Variants in TENM1 observed in about 807,000 individuals in gnomAD.
The protein encoded by TENM1 is teneurin transmembrane protein 1, also known as teneurin-1.
Under a neutral mutation model 174.8 loss-of-function variants are expected in TENM1, and 35 were observed. The ratio of observed to expected loss-of-function variants is 0.20; its 90% CI spans 0.15 to 0.27. The LOEUF (loss-of-function observed/expected upper bound fraction) is 0.27, where lower values mean the gene tolerates loss of function less well. TENM1 is among the 10% of genes least tolerant of loss of function. The probability of loss-of-function intolerance (pLI) is 1.00; values close to 1 mark genes in which losing one functional copy is unlikely to be tolerated. For missense variants in TENM1, 1,633 were observed against 2,130.1 expected (o/e 0.77, Z 4.59); for synonymous variants, 781 against 798.7 (o/e 0.98, Z 0.37).
In TENM1 at chrX:124,565,490, C is replaced by T. The variant is rs1201165372; in HGVS notation, c.2148G>A (p.Trp716Ter). ...AGCGTTCCTCACATGTTGGTCCTAC[C>T]CAGCCTTCTTCACACTGGCAAATTC... Residue 716 changes from tryptophan to a stop codon, truncating the protein, a stop_gained, in exon 12 of 32, where the codon TGG (tryptophan) becomes TGA (stop). Transcript: ENST00000422452. LOFTEE classifies it high-confidence loss of function. 8.3e-7 allele frequency: 1 copy of T among 1,208,129 alleles called. No homozygotes were observed. The highest frequency in any genetic ancestry group is 3.0e-5 in the East Asian group (1 of 33,725).
At chrX:124,406,930 G>C (rs903924991) in intron 25 of TENM1, among the ~76,000 whole-genome samples, 1 of 111,385 alleles carries the variant, frequency 9.0e-6, no homozygotes, top group African/African-American at 3.3e-5. Flanking sequence ...TACTGACTTT[G>C]GGTTATGATG....
the TENM1 span, among the ~76,000 whole-genome samples, chrX:125,140,587 T>C: frequency 2.7e-5 from 3 of 111,895 alleles, no homozygotes; most frequent in Admixed American, 9.5e-5. Context: ...TCAAAATAGC[T>C]AGGAGAGAAG....
chrX:125,084,295 G>A, the TENM1 span, among the ~76,000 whole-genome samples: 2 of 110,272 alleles, frequency 1.8e-5, no homozygotes, highest in Non-Finnish European at 3.8e-5. Context: ...TATCTCCTGG[G>A]AACTGTGCTT....
At chrX:124,725,314 A>G (rs972528400) in intron 4 of TENM1, among the ~76,000 whole-genome samples, 14 of 111,908 alleles carry the variant, frequency 1.3e-4, no homozygotes, top group African/African-American at 3.9e-4. Flanking sequence ...AGCCCCAGCA[A>G]CTAGAAGAGT....
chrX:124,671,955 C>G, intron 5 of TENM1, 120 bp from the exon 9 acceptor site: 1 of 714,235 alleles, frequency 1.4e-6, no homozygotes, highest in South Asian at 2.8e-5. Flanking sequence ...GGCCAAGTAA[C>G]TGGGAGTTTA....
chrX:124,613,375 T>C (rs1053481675), intron 11 of TENM1, among the ~76,000 whole-genome samples: 1 of 110,518 alleles, frequency 9.0e-6, no homozygotes, highest in Non-Finnish European at 1.9e-5. Flanking sequence ...TTTTAATGTA[T>C]ATGTAAACCA....
At chrX:124,867,426 T>C (rs1377938451) in intron 3 of TENM1, among the ~76,000 whole-genome samples, 1 of 111,988 alleles carries the variant, frequency 8.9e-6, no homozygotes, top group Non-Finnish European at 1.9e-5. Flanking sequence ...AAGCATTTGA[T>C]AAAATTCAAC....
chrX:125,119,391 G>C, the TENM1 span, among the ~76,000 whole-genome samples: 2 of 109,907 alleles, frequency 1.8e-5, no homozygotes, highest in African/African-American at 6.6e-5. Context: ...GAAATATTGG[G>C]GTTTTATAAA....
At chrX:125,172,211 T>C in the TENM1 span, among the ~76,000 whole-genome samples, 2 of 110,907 alleles carry the variant, frequency 1.8e-5, no homozygotes, top group Non-Finnish European at 3.8e-5. Flanking sequence ...CCTTAAAGAA[T>C]AGAAAGAGCT....
At chrX:124,636,012 T>C (rs746826281) in intron 11 of TENM1, among the ~76,000 whole-genome samples, 15 of 112,222 alleles carry the variant, frequency 1.3e-4, no homozygotes, top group African/African-American at 4.5e-4. Context: ...CTGTTAACAA[T>C]ACTCAATGTA....
At chrX:124,459,963 C>A (rs1489767432) in intron 22 of TENM1, among the ~76,000 whole-genome samples, 1 of 111,996 alleles carries the variant, frequency 8.9e-6, no homozygotes. Context: ...ATGTGGCCAA[C>A]AAGCATATGA....
At chrX:125,162,434 T>G in the TENM1 span, among the ~76,000 whole-genome samples, 1 of 112,138 alleles carries the variant, frequency 8.9e-6, no homozygotes, top group Non-Finnish European at 1.9e-5. Flanking sequence ...TCTCTTTAAA[T>G]GAAGTTCACC....
At chrX:124,784,325 A>G (rs773468276) in intron 3 of TENM1, among the ~76,000 whole-genome samples, 1 of 111,528 alleles carries the variant, frequency 9.0e-6, no homozygotes, top group Admixed American at 9.6e-5. Context: ...GGCCCACAGT[A>G]AACAGAAAGA....
chrX:124,630,698 T>A (rs2050735820), intron 11 of TENM1, among the ~76,000 whole-genome samples: 1 of 111,096 alleles, frequency 9.0e-6, no homozygotes, highest in Non-Finnish European at 1.9e-5. Context: ...TGAGCAAAAG[T>A]TTTTAGCTAC....
chrX:124,705,169 C>T (rs890534757), exon 5 of TENM1: 14 of 1,208,851 alleles, frequency 1.2e-5, no homozygotes, highest in South Asian at 5.3e-5. Context: ...GGCGAGTACA[C>T]GGTATTGGAT....
At chrX:124,864,229 C>T (rs937596310) in intron 3 of TENM1, among the ~76,000 whole-genome samples, 14 of 111,944 alleles carry the variant, frequency 1.3e-4, no homozygotes, top group Non-Finnish European at 2.1e-4. Flanking sequence ...TAGGAAAACA[C>T]GGCCTCACCA....
intron 5 of TENM1, among the ~76,000 whole-genome samples, chrX:124,686,051 T>C (rs2052357206): frequency 1.8e-5 from 2 of 111,684 alleles, no homozygotes; most frequent in Admixed American, 1.9e-4. Context: ...TACTGAGATA[T>C]TATAATGAAA....
chrX:124,658,026 T>A (rs1356946374), intron 6 of TENM1, among the ~76,000 whole-genome samples: 5 of 111,920 alleles, frequency 4.5e-5, no homozygotes, highest in African/African-American at 1.3e-4. Context: ...AATACTTGTT[T>A]AACAGTAACA....
intron 5 of TENM1, among the ~76,000 whole-genome samples, chrX:124,692,648 A>G (rs749693466): frequency 9.2e-6 from 1 of 108,726 alleles, no homozygotes; most frequent in Admixed American, 1.0e-4. Flanking sequence ...ATTTTTCTAG[A>G]TCCTTAATAA....
Sources: gnomAD v4.1 joint callset for allele counts (sites outside exome capture counted in the v4.1 genomes callset) on GRCh38, gnomAD v4.1.1 for gene constraint, MANE v1.5 for transcripts, NCBI Gene and HGNC (gene_info 2026-07-23, HGNC 2026-07-21) for gene names.